The following GALNTL6 variants were observed in gnomAD, a reference collection of about 807,000 sequenced individuals.
GALNTL6 encodes polypeptide N-acetylgalactosaminyltransferase like 6, also known as polypeptide N-acetylgalactosaminyltransferase-like 6.
GALNTL6 carries 46 observed loss-of-function variants against 73.7 expected under a neutral mutation model. The ratio of observed to expected loss-of-function variants is 0.62; its 90% CI spans 0.49 to 0.80. The LOEUF (loss-of-function observed/expected upper bound fraction) is 0.80. Ranked by LOEUF, GALNTL6 falls within the 30% of genes least tolerant of loss-of-function variation. The pLI, the probability that GALNTL6 is intolerant of heterozygous loss-of-function variation, is 0.00. For synonymous variants in GALNTL6, 259 were observed against 263.7 expected (o/e 0.98, Z 0.17); for missense variants, 604 against 755.0 (o/e 0.80, Z 2.34).
intron 12 of GALNTL6, among the ~76,000 whole-genome samples, chr4:173,030,703 C>A (rs2126532937): frequency 6.6e-6 from 1 of 152,162 alleles, no homozygotes; most frequent in African/African-American, 2.4e-5. Flanking sequence ...GGTCTGTGTT[C>A]TTAACCTCTG....
intron 3 of GALNTL6, among the ~76,000 whole-genome samples, chr4:172,299,353 G>T (rs1050985203): frequency 6.6e-6 from 1 of 152,136 alleles, no homozygotes; most frequent in East Asian, 1.9e-4. Context: ...AGGGTTTTTT[G>T]TGTCTCTATT....
chr4:172,240,463 C>G (rs1160322517), intron 3 of GALNTL6, among the ~76,000 whole-genome samples: 1 of 151,964 alleles, frequency 6.6e-6, no homozygotes, highest in Non-Finnish European at 1.5e-5. Flanking sequence ...CATCTCCTGA[C>G]CTCGTGATCC....
At chr4:173,008,831 C>T (rs561051873) in intron 10 of GALNTL6, among the ~76,000 whole-genome samples, 42 of 152,282 alleles carry the variant, frequency 2.8e-4, no homozygotes, top group African/African-American at 9.6e-4. Flanking sequence ...CCTTATGATT[C>T]TAACATCAGA....
At chr4:172,327,104 T>C (rs1740969926) in intron 4 of GALNTL6, among the ~76,000 whole-genome samples, 2 of 152,166 alleles carry the variant, frequency 1.3e-5, no homozygotes, top group Non-Finnish European at 2.9e-5. Flanking sequence ...TAAAAGTTAC[T>C]TTAATAACTA....
intron 5 of GALNTL6, among the ~76,000 whole-genome samples, chr4:172,657,169 TTTCTC>T: frequency 6.6e-6 from 1 of 152,328 alleles, no homozygotes; most frequent in Admixed American, 6.5e-5. Flanking sequence ...GTCTTTCTCT[TTTCTC>T]TTCTTCAAGC....
chr4:172,673,125 T>C (rs760825741), intron 5 of GALNTL6, among the ~76,000 whole-genome samples: 117 of 152,326 alleles, frequency 7.7e-4, no homozygotes, highest in African/African-American at 2.4e-3. Flanking sequence ...TAACTATAGA[T>C]CTGTCTAACT....
intron 7 of GALNTL6, among the ~76,000 whole-genome samples, chr4:172,840,605 G>A (rs112356691): frequency 0.011 from 1,721 of 152,292 alleles, 23 homozygotes; most frequent in Non-Finnish European, 0.018. Context: ...TACTTGGGAG[G>A]CAAAGATAAA....
intron 5 of GALNTL6, among the ~76,000 whole-genome samples, chr4:172,615,475 A>C (rs1289703473): frequency 6.6e-6 from 1 of 152,152 alleles, no homozygotes; most frequent in African/African-American, 2.4e-5. Context: ...TTTTTTCCTT[A>C]ACCATTGCCC....
At chr4:172,290,752 TATA>T (rs1431716640) in intron 3 of GALNTL6, among the ~76,000 whole-genome samples, 2 of 151,774 alleles carry the variant, frequency 1.3e-5, no homozygotes, top group Non-Finnish European at 2.9e-5. Flanking sequence ...TATCATATCA[TATA>T]ATAATTTATA....
At chr4:172,845,216 C>CAAAAAAAAAAA (rs11336973) in intron 7 of GALNTL6, among the ~76,000 whole-genome samples, 6 of 91,048 alleles carry the variant, frequency 6.6e-5, no homozygotes, top group Admixed American at 1.1e-4. Flanking sequence ...GTCTCTGTCT[C>CAAAAAAAAAAA]AAAAAAAAAA....
chr4:172,788,215 A>G (rs944985030), intron 5 of GALNTL6, among the ~76,000 whole-genome samples: 2 of 151,910 alleles, frequency 1.3e-5, no homozygotes, highest in African/African-American at 2.4e-5. Flanking sequence ...AAAACACACA[A>G]TTAGCTGGGT....
At chr4:172,490,875 C>T (rs1355048032) in intron 5 of GALNTL6, among the ~76,000 whole-genome samples, 1 of 152,118 alleles carries the variant, frequency 6.6e-6, no homozygotes, top group Non-Finnish European at 1.5e-5. Context: ...ACGTTGAAGA[C>T]TTCGATAGCC....
chr4:172,142,996 T>G (rs907442748), intron 2 of GALNTL6, among the ~76,000 whole-genome samples: 5 of 151,874 alleles, frequency 3.3e-5, no homozygotes, highest in African/African-American at 9.7e-5. Flanking sequence ...TGTATGTATG[T>G]ATGGATAGAT....
At chr4:171,977,855 T>A (rs564366583) in intron 2 of GALNTL6, among the ~76,000 whole-genome samples, 1 of 152,220 alleles carries the variant, frequency 6.6e-6, no homozygotes, top group Non-Finnish European at 1.5e-5. Context: ...GATTCTAATA[T>A]AATTTTTAAA....
intron 2 of GALNTL6, among the ~76,000 whole-genome samples, chr4:172,188,875 C>T (rs187933205): frequency 6.6e-5 from 10 of 152,308 alleles, no homozygotes; most frequent in African/African-American, 2.2e-4. Context: ...GTGAGCAACA[C>T]AGGACAGTGT....
intron 2 of GALNTL6, among the ~76,000 whole-genome samples, chr4:171,942,391 G>A (rs888177173): frequency 4.6e-5 from 7 of 152,098 alleles, no homozygotes; most frequent in African/African-American, 1.7e-4. Context: ...ATGATGTTTT[G>A]TATTTTCTTA....
intron 4 of GALNTL6, among the ~76,000 whole-genome samples, chr4:172,335,667 A>G (rs1029760704): frequency 6.6e-6 from 1 of 152,114 alleles, no homozygotes; most frequent in Non-Finnish European, 1.5e-5. Context: ...TCCTGATTCA[A>G]TCTGGGGAGC....
intron 5 of GALNTL6, among the ~76,000 whole-genome samples, chr4:172,554,779 T>C (rs1736084081): frequency 6.6e-6 from 1 of 152,198 alleles, no homozygotes; most frequent in Admixed American, 6.6e-5. Flanking sequence ...ACAAATCCAT[T>C]GTATGGACAT....
At chr4:172,421,013 G>A (rs1731038849) in intron 5 of GALNTL6, among the ~76,000 whole-genome samples, 1 of 152,068 alleles carries the variant, frequency 6.6e-6, no homozygotes, top group Admixed American at 6.6e-5. Flanking sequence ...GGGGGTTGGG[G>A]GCAAGGGGAG....
Sources: gnomAD v4.1 joint callset for allele counts (sites outside exome capture counted in the v4.1 genomes callset) on GRCh38, gnomAD v4.1.1 for gene constraint, MANE v1.5 for transcripts, NCBI Gene and HGNC (gene_info 2026-07-23, HGNC 2026-07-21) for gene names.